RIT2: variants seen among roughly 807,000 people sequenced by gnomAD.
The protein encoded by RIT2 is Ras like without CAAX 2.
A neutral mutation model predicts 23.7 loss-of-function variants in RIT2; 24 were observed. The ratio of observed to expected loss-of-function variants is 1.01; its 90% CI spans 0.73 to 1.43. The LOEUF is 1.43. Among genes scored for constraint, RIT2 ranks in the 40% most tolerant of loss-of-function variants. The probability of loss-of-function intolerance (pLI) is 0.00; values close to 1 mark genes in which losing one functional copy is unlikely to be tolerated. For synonymous variants in RIT2, 107 were observed against 91.1 expected (o/e 1.17, Z -0.99); for missense variants, 236 against 266.9 (o/e 0.88, Z 0.81).
At chr18:42,918,270 T>G (rs1485356754) in intron 4 of RIT2, among the ~76,000 whole-genome samples, 1 of 152,172 alleles carries the variant, frequency 6.6e-6, no homozygotes, top group East Asian at 1.9e-4. Context: ...GTAACTCAAA[T>G]TCCAGTTCTA....
intron 4 of RIT2, among the ~76,000 whole-genome samples, chr18:42,834,845 C>A (rs1489234282): frequency 2.0e-5 from 3 of 152,036 alleles, no homozygotes; most frequent in African/African-American, 7.2e-5. Context: ...GTAGTTCATG[C>A]CAGAGTGAAT....
intron 4 of RIT2, among the ~76,000 whole-genome samples, chr18:42,889,238 G>A (rs540542032): frequency 2.4e-4 from 36 of 151,812 alleles, no homozygotes; most frequent in Non-Finnish European, 4.1e-4. Context: ...AGCTTTCCTC[G>A]GGTATTCAAA....
chr18:42,878,139 C>T (rs1377733207), intron 4 of RIT2, among the ~76,000 whole-genome samples: 1 of 150,742 alleles, frequency 6.6e-6, no homozygotes, highest in Non-Finnish European at 1.5e-5. Flanking sequence ...ATATAGTTGA[C>T]CCTTGACCAA....
intron 1 of RIT2, among the ~76,000 whole-genome samples, chr18:43,043,219 A>G (rs1912168771): frequency 6.6e-6 from 1 of 152,142 alleles, no homozygotes. Context: ...ACAATTTAAC[A>G]AAATTGTTTT....
chr18:43,111,134 C>T (rs1913942720), intron 1 of RIT2, among the ~76,000 whole-genome samples: 2 of 152,048 alleles, frequency 1.3e-5, no homozygotes, highest in Non-Finnish European at 2.9e-5. Flanking sequence ...AGAATGAGAT[C>T]CAGTCATTTG....
At chr18:42,862,140 T>C (rs1907344349) in intron 4 of RIT2, among the ~76,000 whole-genome samples, 1 of 152,162 alleles carries the variant, frequency 6.6e-6, no homozygotes, top group Non-Finnish European at 1.5e-5. Context: ...AATCCCCATG[T>C]ACTAAGGGAG....
intron 4 of RIT2, among the ~76,000 whole-genome samples, chr18:42,892,083 C>T (rs543741176): frequency 1.1e-4 from 16 of 152,206 alleles, no homozygotes; most frequent in Non-Finnish European, 2.2e-4. Flanking sequence ...AGCCTATTCA[C>T]CACGACAAAC....
At chr18:42,923,092 G>T (rs1909092917) in intron 4 of RIT2, among the ~76,000 whole-genome samples, 1 of 152,156 alleles carries the variant, frequency 6.6e-6, no homozygotes. Flanking sequence ...TGAGGTTACA[G>T]TTACATGGTG....
intron 4 of RIT2, among the ~76,000 whole-genome samples, chr18:42,863,590 A>T (rs12606847): frequency 0.05 from 7,633 of 152,232 alleles, 588 homozygotes; most frequent in East Asian, 0.31. Flanking sequence ...AGTAACATAA[A>T]TTTCTTTCAA....
intron 1 of RIT2, among the ~76,000 whole-genome samples, chr18:43,058,718 C>G (rs117270690): frequency 6.6e-6 from 1 of 151,914 alleles, no homozygotes. Flanking sequence ...AAAACCCTGT[C>G]TCTACAAAAA....
intron 1 of RIT2, among the ~76,000 whole-genome samples, chr18:43,035,623 C>T (rs1911956425): frequency 6.6e-6 from 1 of 152,176 alleles, no homozygotes; most frequent in African/African-American, 2.4e-5. Context: ...GATATCTGAT[C>T]ATTCTCAATA....
At chr18:42,884,767 G>T (rs2144084469) in intron 4 of RIT2, among the ~76,000 whole-genome samples, 1 of 152,290 alleles carries the variant, frequency 6.6e-6, no homozygotes, top group Admixed American at 6.5e-5. Flanking sequence ...AGTGAAGTGA[G>T]AGAATTTTAA....
At chr18:42,856,457 C>CT (rs1024981609) in intron 4 of RIT2, among the ~76,000 whole-genome samples, 2 of 152,154 alleles carry the variant, frequency 1.3e-5, no homozygotes, top group Admixed American at 6.5e-5. Flanking sequence ...TCTCTTGAAC[C>CT]TTTTTCATTC....
At chr18:43,068,672 A>G (rs1289384136) in intron 1 of RIT2, among the ~76,000 whole-genome samples, 1 of 152,160 alleles carries the variant, frequency 6.6e-6, no homozygotes, top group Non-Finnish European at 1.5e-5. Flanking sequence ...ATGTCTGCAC[A>G]ATGTCTTCAC....
At chr18:42,780,368 G>A (rs560353688) in intron 4 of RIT2, among the ~76,000 whole-genome samples, 1 of 152,102 alleles carries the variant, frequency 6.6e-6, no homozygotes, top group South Asian at 2.1e-4. Context: ...GGTAAGGCAG[G>A]AAAGGGTTCT....
intron 4 of RIT2, among the ~76,000 whole-genome samples, chr18:42,831,168 T>C (rs1598672705): frequency 6.6e-6 from 1 of 152,344 alleles, no homozygotes; most frequent in East Asian, 1.9e-4. Context: ...TAAATGAGTG[T>C]GCTTGATAGT....
At chr18:42,814,879 G>T (rs550222271) in intron 4 of RIT2, among the ~76,000 whole-genome samples, 1 of 152,152 alleles carries the variant, frequency 6.6e-6, no homozygotes, top group East Asian at 1.9e-4. Flanking sequence ...TACCAGCCTG[G>T]AGCCTGGTAG....
At chr18:43,084,251 C>T (rs976038151) in intron 1 of RIT2, among the ~76,000 whole-genome samples, 7 of 152,048 alleles carry the variant, frequency 4.6e-5, no homozygotes, top group Non-Finnish European at 8.8e-5. Flanking sequence ...GCTGGCAAGG[C>T]TGTGGAGCAA....
chr18:43,112,460 C>T (rs943836022), intron 1 of RIT2, among the ~76,000 whole-genome samples: 2 of 152,146 alleles, frequency 1.3e-5, no homozygotes, highest in African/African-American at 4.8e-5. Context: ...GCTCAGTAAA[C>T]TTTATTGATT....
Sources: gnomAD v4.1 joint callset for allele counts (sites outside exome capture counted in the v4.1 genomes callset) on GRCh38, gnomAD v4.1.1 for gene constraint, MANE v1.5 for transcripts, NCBI Gene and HGNC (gene_info 2026-07-23, HGNC 2026-07-21) for gene names.